Variants in HNRNPA3 observed in about 807,000 individuals in gnomAD.
HNRNPA3 encodes the protein heterogeneous nuclear ribonucleoprotein A3.
Under a neutral mutation model 45.8 loss-of-function variants are expected in HNRNPA3, and 3 were observed. The observed-to-expected ratio is 0.07, with a 90% CI of 0.03 to 0.17. HNRNPA3 has a LOEUF of 0.17. Among genes scored for constraint, HNRNPA3 ranks in the 10% least tolerant of loss-of-function variants. The probability of loss-of-function intolerance (pLI) is 1.00; values close to 1 mark genes in which losing one functional copy is unlikely to be tolerated. For synonymous variants in HNRNPA3, 170 were observed against 155.6 expected (o/e 1.09, Z -0.69); for missense variants, 183 against 480.3 (o/e 0.38, Z 5.79).
At chr2:177,219,337 TATG>T (rs754031563) in intron 10 of HNRNPA3, 23 bp downstream of exon 10, 149 of 1,529,392 alleles carry the variant, frequency 9.7e-5, no homozygotes, top group Non-Finnish European at 1.2e-4. Context: ...AAATTTTTAT[TATG>T]ATGATAAAAG....
downstream of HNRNPA3, chr2:177,223,944 C>G (rs903196839): frequency 2.6e-5 from 4 of 152,084 alleles, no homozygotes; most frequent in African/African-American, 9.7e-5. Context: ...AGTAATAAAA[C>G]AACAGGAAAC....
downstream of HNRNPA3, chr2:177,221,610 G>C (rs888184503): frequency 7.9e-5 from 12 of 152,646 alleles, no homozygotes; most frequent in African/African-American, 2.7e-4. Context: ...GTGTGGAAAA[G>C]TAAGCCATGA....
intron 8 of HNRNPA3, among the ~76,000 whole-genome samples, 154 bp downstream of exon 8, chr2:177,217,999 T>TGA (rs1689020211): frequency 6.6e-6 from 1 of 151,968 alleles, no homozygotes; most frequent in Admixed American, 6.6e-5. Context: ...CAAATTTTCT[T>TGA]GACTTTGCTG....
intron 8 of HNRNPA3, among the ~76,000 whole-genome samples, chr2:177,218,344 G>C (rs1184702673): frequency 1.3e-5 from 2 of 152,196 alleles, no homozygotes; most frequent in Non-Finnish European, 2.9e-5. Flanking sequence ...TTACAGGCAT[G>C]AGCCACTGCA....
intron 1 of HNRNPA3, among the ~76,000 whole-genome samples, chr2:177,214,028 C>T (rs1367779862): frequency 2.0e-5 from 3 of 152,184 alleles, no homozygotes; most frequent in African/African-American, 4.8e-5. Context: ...TTTAACATCT[C>T]TACCTCTAGG....
Position 177,216,779 on chromosome 2 carries a change from G to A in HNRNPA3, c.739+8G>A, listed in dbSNP as rs753855298. Reference sequence around the variant, plus strand: ...GAAACTTTGGTGGAAGAGGTAGGCTGTTTATCTTCTAAGTACATGGATACC... The same window carrying A: ...GAAACTTTGGTGGAAGAGGTAGGCTATTTATCTTCTAAGTACATGGATACC... On this transcript the variant is annotated splice_region_variant and intron_variant, in intron 6 of 10. Transcript: ENST00000392524. 2 of 1,614,138 alleles carry A rather than the reference G, an allele frequency of 1.2e-6. No homozygotes were observed. Among genetic ancestry groups the A allele is most frequent in the South Asian group, 1.1e-5 (1 of 91,084 alleles).
At chr2:177,217,283 C>T (rs868082120) in intron 7 of HNRNPA3, among the ~76,000 whole-genome samples, 5 of 151,780 alleles carry the variant, frequency 3.3e-5, no homozygotes, top group Admixed American at 1.3e-4. Flanking sequence ...ACTTGATACT[C>T]TATTATTATT....
downstream of HNRNPA3, chr2:177,223,398 A>T (rs1390156648): frequency 7.4e-6 from 1 of 135,302 alleles, no homozygotes; most frequent in Non-Finnish European, 1.5e-5. Flanking sequence ...TAGCAGCAGT[A>T]AAAAAAAAAA....
At position 177,219,027 on chromosome 2, in the gene HNRNPA3, C is replaced by A. The variant is rs1376363104; in HGVS notation, c.962-10C>A. 13 of 1,612,274 alleles carry A rather than the reference C, an allele frequency of 8.1e-6. No homozygotes were observed. The highest frequency in any genetic ancestry group is 1.1e-5 in the Non-Finnish European group (13 of 1,179,612). ...TAGGTAAACCACACATAAAACCTTT[C>A]TGATTTCAGGTAACTATGGTGGTGG... is the stretch of plus-strand genomic sequence containing the variant. On this transcript the variant is annotated splice_polypyrimidine_tract_variant and intron_variant, in intron 8 of 10. Transcript: ENST00000392524.
intron 7 of HNRNPA3, among the ~76,000 whole-genome samples, 170 bp downstream of exon 7, chr2:177,217,110 T>G (rs555416551): frequency 1.3e-5 from 2 of 152,324 alleles, no homozygotes; most frequent in East Asian, 3.9e-4. Flanking sequence ...GGAGAGACAT[T>G]AGCTGCTCTT....
At position 177,219,178 on chromosome 2, in the gene HNRNPA3, C is replaced by A. The variant is rs1553485481; in HGVS notation, c.1084+19C>A. 6.2e-7 allele frequency: 1 copy of A among 1,611,520 alleles called. No individual in the cohort carries two copies. Among genetic ancestry groups the A allele is most frequent in the East Asian group, 2.2e-5 (1 of 44,866 alleles). ...TATGGTGGTAAGTACTTTCTTAAAT[C>A]AATTCTTTAGAGCCTTTTTAATTTA... is the stretch of plus-strand genomic sequence containing the variant. On this transcript the variant is annotated intron_variant, in intron 9 of 10. Transcript: ENST00000392524.
At chr2:177,222,977 A>G (rs1234639146), downstream of HNRNPA3, 1 of 152,606 alleles carries the variant, frequency 6.6e-6, no homozygotes, top group Non-Finnish European at 1.5e-5. Context: ...AAGAACACTG[A>G]ATTACCGTTC....
intron 1 of HNRNPA3, among the ~76,000 whole-genome samples, chr2:177,214,998 C>A (rs1688869206): frequency 6.6e-6 from 1 of 152,158 alleles, no homozygotes; most frequent in Non-Finnish European, 1.5e-5. Context: ...TCTTGGATTT[C>A]AATTTAGTTG....
In HNRNPA3 at chr2:177,217,629, A is replaced by AAGACC; in HGVS notation, c.821-76_821-75insAGACC. On this transcript the variant is annotated intron_variant, in intron 7 of 10. Coordinates refer to ENST00000392524, the Ensembl canonical transcript of HNRNPA3. Reference sequence around the variant, plus strand: ...GCAACAGAGCAAGACCCAGTCTCTTACACACACACCAGAATTGAATAACGT... The same window carrying AAGACC: ...GCAACAGAGCAAGACCCAGTCTCTTAAGACCCACACACACCAGAATTGAATAACGT... 2.6e-6 allele frequency: 4 copies of AAGACC among 1,561,912 alleles called. No homozygotes were observed. The South Asian group carries it at 4.5e-5, about 17-fold the overall frequency.
chr2:177,217,637 A>C, intron 7 of HNRNPA3, 68 bp from the exon 8 acceptor site: 1 of 1,587,834 alleles, frequency 6.3e-7, no homozygotes, highest in Non-Finnish European at 8.6e-7. Context: ...TTACACACAC[A>C]CCAGAATTGA....
downstream of HNRNPA3, chr2:177,220,563 C>T (rs949503234): frequency 6.6e-6 from 1 of 152,630 alleles, no homozygotes; most frequent in Admixed American, 6.6e-5. Context: ...TGTTTGTATT[C>T]TATACATTTT....
intron 1 of HNRNPA3, among the ~76,000 whole-genome samples, chr2:177,213,651 G>A (rs1199413422): frequency 1.3e-5 from 2 of 152,268 alleles, no homozygotes; most frequent in East Asian, 3.8e-4. Context: ...GAATTTGAGT[G>A]TAGATGTGAA....
chr2:177,214,936 TCAGA>T (rs1409050974), intron 1 of HNRNPA3, among the ~76,000 whole-genome samples: 7 of 152,240 alleles, frequency 4.6e-5, no homozygotes, highest in Admixed American at 1.3e-4. Flanking sequence ...GTAAAGGTTC[TCAGA>T]CAGTTGTAGC....
chr2:177,218,945 C>T (rs1689076510), intron 8 of HNRNPA3, 92 bp from the exon 9 acceptor site: 1 of 1,484,506 alleles, frequency 6.7e-7, no homozygotes, highest in South Asian at 1.3e-5. Flanking sequence ...AAGCATGCTA[C>T]CATAATTCTC....
Sources: gnomAD v4.1 joint callset for allele counts (sites outside exome capture counted in the v4.1 genomes callset) on GRCh38, gnomAD v4.1.1 for gene constraint, MANE v1.5 for transcripts, NCBI Gene and HGNC (gene_info 2026-07-23, HGNC 2026-07-21) for gene names.